CCDC141: variants seen among roughly 807,000 people sequenced by gnomAD.
CCDC141 encodes coiled-coil domain-containing protein 141.
A neutral mutation model predicts 181.0 loss-of-function variants in CCDC141; 168 were observed. That is an observed-to-expected ratio of 0.93 (90% CI 0.82 to 1.05). The LOEUF (loss-of-function observed/expected upper bound fraction) is 1.05. Ranked by LOEUF, CCDC141 falls within the 50% of genes least tolerant of loss-of-function variation. The pLI, the probability that CCDC141 is intolerant of heterozygous loss-of-function variation, is 0.00. For missense variants in CCDC141, 1,902 were observed against 1,788.5 expected (o/e 1.06, Z -1.14); for synonymous variants, 666 against 642.3 (o/e 1.04, Z -0.56).
In CCDC141 at chr2:178,872,267, T is replaced by C; in HGVS notation, c.1945A>G (p.Met649Val). Residue 649 changes from methionine (M) to valine (V), a missense_variant, in exon 13 of 24, where the codon ATG becomes GTG. Coordinates refer to ENST00000443758, the MANE Select transcript of CCDC141 (RefSeq NM_173648.4). ...TTCTGGTTTTCCATGGTGTTCTTCA[T>C]GAGGTACACTTCATTTTTCACATCT... is the stretch of plus-strand genomic sequence containing the variant. Reference protein sequence around the residue: ...ILDVKNEVYLMKNTMENQKAE... With the variant: ...ILDVKNEVYLVKNTMENQKAE... The C allele has an allele frequency of 6.2e-7, 1 of 1,614,058 alleles. No homozygotes were observed. The highest frequency in any genetic ancestry group is 8.5e-7 in the Non-Finnish European group (1 of 1,179,942).
intron 8 of CCDC141, among the ~76,000 whole-genome samples, chr2:178,893,112 C>T (rs1687233532): frequency 6.6e-6 from 1 of 152,112 alleles, no homozygotes; most frequent in Admixed American, 6.5e-5. Flanking sequence ...CCAAGCATCA[C>T]AGACTGTGAA....
chr2:178,912,098 C>T (rs1278377795), intron 7 of CCDC141, among the ~76,000 whole-genome samples: 1 of 152,184 alleles, frequency 6.6e-6, no homozygotes, highest in South Asian at 2.1e-4. Flanking sequence ...TTATTGAACA[C>T]CCACTAACTA....
intron 2 of CCDC141, among the ~76,000 whole-genome samples, chr2:179,011,240 C>T (rs940033026): frequency 6.6e-6 from 1 of 151,658 alleles, no homozygotes; most frequent in Non-Finnish European, 1.5e-5. Context: ...ATTTGCCTAA[C>T]ACATAAGAAC....
chr2:178,882,839 C>G (rs1209058320), intron 11 of CCDC141, among the ~76,000 whole-genome samples: 2 of 151,386 alleles, frequency 1.3e-5, no homozygotes, highest in East Asian at 3.9e-4. Context: ...TGGGAGTTGG[C>G]AGGGTTAGTC....
At chr2:179,028,710 T>C (rs1431094961) in intron 2 of CCDC141, among the ~76,000 whole-genome samples, 1 of 152,212 alleles carries the variant, frequency 6.6e-6, no homozygotes, top group Middle Eastern at 3.2e-3. Flanking sequence ...TTATAATTCA[T>C]TACTTTATCA....
chr2:178,914,397 A>G (rs934766019), intron 7 of CCDC141, among the ~76,000 whole-genome samples: 23 of 152,232 alleles, frequency 1.5e-4, no homozygotes, highest in African/African-American at 5.3e-4. Flanking sequence ...ACTTGAATCC[A>G]GTGGTTGGTT....
intron 2 of CCDC141, among the ~76,000 whole-genome samples, chr2:179,041,406 T>C (rs1306360151): frequency 6.6e-6 from 1 of 152,058 alleles, no homozygotes; most frequent in Non-Finnish European, 1.5e-5. Context: ...GAGCTTTTTT[T>C]AATGTTTGTT....
intron 2 of CCDC141, among the ~76,000 whole-genome samples, chr2:179,007,487 A>G (rs2154384064): frequency 6.6e-6 from 1 of 152,324 alleles, no homozygotes; most frequent in Non-Finnish European, 1.5e-5. Flanking sequence ...TTACTTTGGA[A>G]CATGGTTTTT....
rs796834127 is a variant in CCDC141, at chr2:179,049,900, C to T, written c.42G>A (p.Thr14=). The change falls in exon 1 of 24, where the codon ACG becomes ACA. Residue 14 remains threonine, a synonymous_variant. Coordinates refer to ENST00000443758, the MANE Select transcript of CCDC141 (RefSeq NM_173648.4). ...CCTGCACAGCAACTGAACTGACTGT[C>T]GTCGTAGAAAGCGCAACACTAGGAC... is the stretch of plus-strand genomic sequence containing the variant. ...QGSPSVALST[T]TVSSVAVQAG... 32 of 1,550,632 alleles carry T rather than the reference C, an allele frequency of 2.1e-5. No homozygotes were observed. The highest frequency in any genetic ancestry group is 5.9e-5 in the South Asian group (5 of 84,054).
At chr2:178,871,874 T>C (rs1238352244) in intron 13 of CCDC141, among the ~76,000 whole-genome samples, 3 of 152,140 alleles carry the variant, frequency 2.0e-5, no homozygotes, top group Non-Finnish European at 4.4e-5. Context: ...CCAGAACTTG[T>C]TTATCATCCC....
At chr2:178,896,396 G>T (rs1687407328) in intron 8 of CCDC141, among the ~76,000 whole-genome samples, 1 of 152,152 alleles carries the variant, frequency 6.6e-6, no homozygotes, top group African/African-American at 2.4e-5. Flanking sequence ...ACGCGGGACA[G>T]GTTCTGGGGA....
At chr2:179,004,621 T>C (rs1352825683) in intron 2 of CCDC141, among the ~76,000 whole-genome samples, 2 of 152,216 alleles carry the variant, frequency 1.3e-5, no homozygotes, top group Non-Finnish European at 2.9e-5. Flanking sequence ...GAAATTTCTA[T>C]TCTATGAATG....
intron 2 of CCDC141, among the ~76,000 whole-genome samples, chr2:179,010,651 T>C (rs1373696341): frequency 6.6e-6 from 1 of 152,152 alleles, no homozygotes; most frequent in East Asian, 1.9e-4. Flanking sequence ...CTAAAAGCTC[T>C]AAATCTTGAA....
chr2:179,019,986 G>A (rs1483449500), intron 2 of CCDC141, among the ~76,000 whole-genome samples: 3 of 152,048 alleles, frequency 2.0e-5, no homozygotes, highest in African/African-American at 7.2e-5. Flanking sequence ...AAACTCCTGA[G>A]CTCAAGCAAT....
chr2:178,953,554 C>G (rs567932085), intron 5 of CCDC141, among the ~76,000 whole-genome samples: 2 of 152,096 alleles, frequency 1.3e-5, no homozygotes, highest in Non-Finnish European at 2.9e-5. Flanking sequence ...AGAATGCAGC[C>G]GAAGAGGCTG....
chr2:178,970,740 C>T (rs527796705), intron 4 of CCDC141, among the ~76,000 whole-genome samples: 2 of 152,300 alleles, frequency 1.3e-5, no homozygotes, highest in African/African-American at 2.4e-5. Flanking sequence ...ACACCAAAAG[C>T]AATGGCAACA....
intron 1 of CCDC141, among the ~76,000 whole-genome samples, chr2:179,049,269 G>C (rs892978299): frequency 6.6e-6 from 1 of 152,154 alleles, no homozygotes; most frequent in African/African-American, 2.4e-5. Flanking sequence ...ACCTTTCCTT[G>C]CATGGTCTTC....
intron 1 of CCDC141, 133 bp from the exon 2 acceptor site, chr2:179,047,539 CA>C (rs2043539441): frequency 1.3e-6 from 1 of 745,904 alleles, no homozygotes; most frequent in Admixed American, 3.8e-5. Flanking sequence ...TATTTTTTTC[CA>C]TTCTTTCCAT....
intron 2 of CCDC141, among the ~76,000 whole-genome samples, chr2:179,024,179 C>T (rs1287001905): frequency 2.0e-5 from 3 of 152,198 alleles, no homozygotes; most frequent in African/African-American, 7.2e-5. Context: ...TCATCCGTTC[C>T]ACCATGTTCT....
Sources: allele counts gnomAD v4.1 joint callset (sites outside exome capture counted in the v4.1 genomes callset), GRCh38; gene constraint gnomAD v4.1.1; transcripts MANE v1.5; gene names NCBI Gene and HGNC (gene_info 2026-07-23, HGNC 2026-07-21).